CNTNAP4: variants seen among roughly 807,000 people sequenced by gnomAD.
CNTNAP4 encodes contactin-associated protein-like 4.
CNTNAP4 carries 98 observed loss-of-function variants against 148.4 expected under a neutral mutation model. The ratio of observed to expected loss-of-function variants is 0.66; its 90% CI spans 0.56 to 0.78. The LOEUF (loss-of-function observed/expected upper bound fraction) is 0.78. Among genes scored for constraint, CNTNAP4 ranks in the 30% least tolerant of loss-of-function variants. The pLI, the probability that CNTNAP4 is intolerant of heterozygous loss-of-function variation, is 0.00. For synonymous variants in CNTNAP4, 730 were observed against 565.1 expected (o/e 1.29, Z -4.14); for missense variants, 1,935 against 1,565.6 (o/e 1.24, Z -3.98).
At chr16:76,536,325 A>G (rs1198206580) in intron 18 of CNTNAP4, among the ~76,000 whole-genome samples, 2 of 152,056 alleles carry the variant, frequency 1.3e-5, no homozygotes, top group Non-Finnish European at 1.5e-5. Flanking sequence ...CCTCCCGAGT[A>G]GCTGGGCTTA....
At chr16:76,311,511 T>C (rs1215651408) in intron 1 of CNTNAP4, among the ~76,000 whole-genome samples, 3 of 152,218 alleles carry the variant, frequency 2.0e-5, no homozygotes, top group African/African-American at 2.4e-5. Flanking sequence ...CATTAAAACA[T>C]ATTGTAGATG....
chr16:76,535,624 A>G lies in CNTNAP4; in HGVS notation c.2835A>G (p.Glu945=), dbSNP rs2084181524. 2 of 1,613,858 alleles carry G rather than the reference A, an allele frequency of 1.2e-6. No individual in the cohort carries two copies. The highest frequency in any genetic ancestry group is 2.2e-5 in the East Asian group (1 of 44,862). ...LQLNGMTLDL[E]ERAQVTPEVQ... ...TGAATGGGATGACCCTGGATTTGGAAGAAAGAGCCCAGGTGACTCCAGAAG... is the reference window on the plus strand; with the variant it reads ...TGAATGGGATGACCCTGGATTTGGAGGAAAGAGCCCAGGTGACTCCAGAAG... Residue 945 remains glutamate (E), a synonymous_variant, in exon 18 of 24, where the codon GAA becomes GAG. Transcript: ENST00000611870.
At chr16:76,483,503 G>A (rs925993612) in intron 12 of CNTNAP4, among the ~76,000 whole-genome samples, 7 of 152,096 alleles carry the variant, frequency 4.6e-5, no homozygotes, top group African/African-American at 1.7e-4. Context: ...TTAACATTGA[G>A]CTCATGGCCA....
intron 2 of CNTNAP4, among the ~76,000 whole-genome samples, chr16:76,327,559 C>T (rs545675830): frequency 1.0e-3 from 159 of 152,302 alleles, no homozygotes; most frequent in African/African-American, 3.7e-3. Context: ...GTCTCTCTCT[C>T]AGCCAGAATT....
chr16:76,341,029 A>G lies in CNTNAP4; in HGVS notation c.197-14289A>G, dbSNP rs149559339. ...ATATTTTTTGCTCCAACTATTTCGG[A>G]CAAATTGAAGCTCCTTAATGTGCTA... On this transcript the variant is annotated intron_variant, in intron 2 of 23. Transcript: ENST00000611870. Among the ~76,000 whole-genome samples the G allele has an allele frequency of 6.1e-3, 932 of 152,280 alleles. 4 individuals carry two copies. Among genetic ancestry groups the G allele is most frequent in the African/African-American group, 0.021 (868 of 41,554 alleles).
chr16:76,457,231 A>C (rs1277852696), intron 8 of CNTNAP4, among the ~76,000 whole-genome samples: 2 of 152,260 alleles, frequency 1.3e-5, no homozygotes, highest in Non-Finnish European at 2.9e-5. Flanking sequence ...TTGTATAGCT[A>C]CAAAACAATT....
chr16:76,405,955 A>G (rs2078586496), intron 3 of CNTNAP4, among the ~76,000 whole-genome samples: 1 of 152,014 alleles, frequency 6.6e-6, no homozygotes, highest in Non-Finnish European at 1.5e-5. Flanking sequence ...AGTGGCTCAC[A>G]CCTATAATCC....
chr16:76,503,391 C>A (rs1294751265), intron 15 of CNTNAP4, among the ~76,000 whole-genome samples: 2 of 151,976 alleles, frequency 1.3e-5, no homozygotes, highest in Non-Finnish European at 2.9e-5. Context: ...TTTGCACCAA[C>A]CTTAAGTGAG....
At chr16:76,478,091 A>G (rs1226309116) in intron 11 of CNTNAP4, among the ~76,000 whole-genome samples, 1 of 152,138 alleles carries the variant, frequency 6.6e-6, no homozygotes, top group East Asian at 1.9e-4. Flanking sequence ...ATTAGGAAAT[A>G]ATCATTAAAC....
At chr16:76,517,891 T>TA (rs578082434) in intron 15 of CNTNAP4, among the ~76,000 whole-genome samples, 30 of 151,982 alleles carry the variant, frequency 2.0e-4, no homozygotes, top group Non-Finnish European at 2.9e-4. Context: ...TGTTTTTTTT[T>TA]AAAAAAGGAA....
intron 3 of CNTNAP4, among the ~76,000 whole-genome samples, chr16:76,367,362 G>T (rs1021936006): frequency 6.6e-6 from 1 of 152,072 alleles, no homozygotes; most frequent in Non-Finnish European, 1.5e-5. Flanking sequence ...ATTGGACGGG[G>T]CCTGTCTTTC....
chr16:76,436,005 C>A (rs2079811496), intron 4 of CNTNAP4, among the ~76,000 whole-genome samples: 1 of 152,096 alleles, frequency 6.6e-6, no homozygotes, highest in Admixed American at 6.6e-5. Context: ...AAGTGTAGTG[C>A]ACCTCCTCAT....
At chr16:76,366,959 A>G (rs1417146158) in intron 3 of CNTNAP4, among the ~76,000 whole-genome samples, 1 of 152,120 alleles carries the variant, frequency 6.6e-6, no homozygotes, top group African/African-American at 2.4e-5. Context: ...ATCATTCTGA[A>G]TGTCATATAG....
intron 1 of CNTNAP4, among the ~76,000 whole-genome samples, chr16:76,287,964 C>T (rs1010525453): frequency 2.6e-5 from 4 of 152,072 alleles, no homozygotes; most frequent in African/African-American, 9.7e-5. Context: ...CTACTCAGTA[C>T]TTGCTGATCT....
chr16:76,550,005 G>GT (rs2084896941), intron 21 of CNTNAP4, among the ~76,000 whole-genome samples: 1 of 152,110 alleles, frequency 6.6e-6, no homozygotes, highest in Non-Finnish European at 1.5e-5. Context: ...CACACTTAGG[G>GT]ACAATCTGAT....
chr16:76,474,914 A>C (rs187795587), intron 10 of CNTNAP4, among the ~76,000 whole-genome samples: 77 of 152,312 alleles, frequency 5.1e-4, no homozygotes, highest in Middle Eastern at 3.4e-3. Context: ...GATTTGGAAA[A>C]AATTATTTTT....
intron 2 of CNTNAP4, among the ~76,000 whole-genome samples, chr16:76,323,298 C>A (rs1962621330): frequency 6.6e-6 from 1 of 151,132 alleles, no homozygotes. Flanking sequence ...AATATTTTTA[C>A]CTTTTTTTTT....
chr16:76,388,463 G>A (rs1393609639), intron 3 of CNTNAP4, among the ~76,000 whole-genome samples: 1 of 152,180 alleles, frequency 6.6e-6, no homozygotes, highest in African/African-American at 2.4e-5. Flanking sequence ...AAATGGATTT[G>A]AAACAAATGA....
intron 3 of CNTNAP4, among the ~76,000 whole-genome samples, chr16:76,379,182 T>C (rs531447386): frequency 3.9e-5 from 6 of 152,032 alleles, no homozygotes; most frequent in Non-Finnish European, 7.4e-5. Context: ...TACTTAAAAA[T>C]GACTCCAATT....
Sources: gnomAD v4.1 joint callset for allele counts (sites outside exome capture counted in the v4.1 genomes callset) on GRCh38, gnomAD v4.1.1 for gene constraint, MANE v1.5 for transcripts, NCBI Gene and HGNC (gene_info 2026-07-23, HGNC 2026-07-21) for gene names.